Variants in RUSC2 observed in about 807,000 individuals in gnomAD.
RUSC2 encodes the protein AP-4 complex accessory subunit RUSC2.
A neutral mutation model predicts 122.2 loss-of-function variants in RUSC2; 34 were observed. That is an observed-to-expected ratio of 0.28 (90% CI 0.21 to 0.37). The LOEUF (loss-of-function observed/expected upper bound fraction) is 0.37, where lower values mean the gene tolerates loss of function less well. RUSC2 is among the 10% of genes least tolerant of loss of function. The probability of loss-of-function intolerance (pLI) is 1.00; values close to 1 mark genes in which losing one functional copy is unlikely to be tolerated. For synonymous variants in RUSC2, 784 were observed against 790.0 expected (o/e 0.99, Z 0.13); for missense variants, 1,747 against 1,952.4 (o/e 0.89, Z 1.98).
chr9:35,538,714 A>G (rs1230515159), intron 1 of RUSC2: 1 of 152,362 alleles, frequency 6.6e-6, no homozygotes, highest in African/African-American at 2.4e-5. Flanking sequence ...AGAGTGCTCC[A>G]TCTTCCAGCA....
chr9:35,555,908 C>G lies in RUSC2; in HGVS notation c.2657-44C>G. ...TGGATGTGAAACTCTGTCTCGCTGT[C>G]TCCTGCCAACTCTTGTCTTTCTGCT... On this transcript the variant is annotated intron_variant, in intron 3 of 11. Coordinates refer to ENST00000361226, the MANE Select transcript of RUSC2 (RefSeq NM_014806.5). This position sits in a 1 kb window ranked among gnomAD's most constrained non-coding sequence, Gnocchi z 4.6. The G allele has an allele frequency of 1.9e-6, 3 of 1,595,346 alleles. No homozygotes were observed. Among genetic ancestry groups the G allele is most frequent in the Non-Finnish European group, 1.7e-6 (2 of 1,167,806 alleles).
Position 35,537,590 on chromosome 9 carries a change from C to G in RUSC2, c.-92-8840C>G, listed in dbSNP as rs531876169. On this transcript the variant is annotated intron_variant, in intron 1 of 11. Coordinates refer to ENST00000361226, the MANE Select transcript of RUSC2 (RefSeq NM_014806.5). ...TTTGTTCTTCTCTCTACAATTGACTCAGCTCAGCATGGTGTCAGTGGACAC... is the reference window on the plus strand; with the variant it reads ...TTTGTTCTTCTCTCTACAATTGACTGAGCTCAGCATGGTGTCAGTGGACAC... Among the ~76,000 whole-genome samples the G allele has an allele frequency of 3.9e-5, 6 of 152,306 alleles. No homozygotes were observed. In the East Asian group the frequency reaches 7.7e-4, roughly 20 times the overall value.
intron 1 of RUSC2, among the ~76,000 whole-genome samples, chr9:35,524,761 G>A (rs1000535618): frequency 6.6e-6 from 1 of 152,094 alleles, no homozygotes; most frequent in Non-Finnish European, 1.5e-5. Flanking sequence ...CACAAGGTCA[G>A]GAGATCGAGA....
At chr9:35,515,404 T>G (rs1821084321) in intron 1 of RUSC2, among the ~76,000 whole-genome samples, 1 of 152,132 alleles carries the variant, frequency 6.6e-6, no homozygotes, top group Non-Finnish European at 1.5e-5. Flanking sequence ...AACAGATTGC[T>G]GCTATTTTTT....
chr9:35,543,000 T>C (rs1407013861), intron 1 of RUSC2, among the ~76,000 whole-genome samples: 1 of 152,212 alleles, frequency 6.6e-6, no homozygotes, highest in Non-Finnish European at 1.5e-5. Flanking sequence ...CTGCAACCCA[T>C]AGGTACCCCT....
chr9:35,541,331 C>T (rs950114670), intron 1 of RUSC2, among the ~76,000 whole-genome samples: 1 of 151,966 alleles, frequency 6.6e-6, no homozygotes, highest in Non-Finnish European at 1.5e-5. Context: ...GTTTTCTCTT[C>T]ACCTTCATTA....
chr9:35,496,461 T>C (rs189489492), intron 1 of RUSC2, among the ~76,000 whole-genome samples: 1 of 152,184 alleles, frequency 6.6e-6, no homozygotes, highest in South Asian at 2.1e-4. Context: ...CAGTCACTTA[T>C]CCCGCTCTAT....
chr9:35,555,360 C>CTCGGCCA lies in RUSC2; in HGVS notation c.2319_2325dup (p.Pro776AlafsTer21), dbSNP rs1217210312. 1 of 1,614,260 alleles carries CTCGGCCA rather than the reference C, an allele frequency of 6.2e-7. No homozygotes were observed. ...AAAGCTGGGTCTGAGCCAGAGACCT[C>CTCGGCCA]TCGGCCATCGCCCCTGGGCAGCTAC... On this transcript the variant is annotated frameshift_variant, in exon 3 of 12. Coordinates refer to ENST00000361226, the MANE Select transcript of RUSC2 (RefSeq NM_014806.5). LOFTEE classifies it high-confidence loss of function. This position sits in a 1 kb window ranked among gnomAD's most constrained non-coding sequence, Gnocchi z 4.6.
intron 1 of RUSC2, among the ~76,000 whole-genome samples, chr9:35,505,584 G>A (rs1231344398): frequency 1.3e-5 from 2 of 151,510 alleles, no homozygotes; most frequent in African/African-American, 4.9e-5. Context: ...TTGAATCCAG[G>A]GTCTCTCAGA....
rs201341074 is a variant in RUSC2, at chr9:35,558,325, G to C, written c.3189G>C (p.Gln1063His). 1 of 1,614,196 alleles carries C rather than the reference G, an allele frequency of 6.2e-7. No individual in the cohort carries two copies. The highest frequency in any genetic ancestry group is 1.1e-5 in the South Asian group (1 of 91,088). ...TTGTACTGGACGTCATCATCGGGCA[G>C]CGTAAGAACATGCCATGGAGTGTGG... ...KAFVLDVIIG[Q>H]RKNMPWSVVE... The change falls in exon 7 of 12, where the codon CAG becomes CAC. Residue 1063 changes from glutamine (Q) to histidine (H), a missense_variant. By Grantham distance (24) the Gln-to-His change is conservative. Coordinates refer to ENST00000361226, the MANE Select transcript of RUSC2 (RefSeq NM_014806.5). The surrounding 1 kb of genome is among the most constrained non-coding windows in gnomAD (Gnocchi z 4.3).
At chr9:35,524,865 G>A (rs1011587044) in intron 1 of RUSC2, among the ~76,000 whole-genome samples, 3 of 152,040 alleles carry the variant, frequency 2.0e-5, no homozygotes, top group African/African-American at 7.2e-5. Flanking sequence ...CAGCTACTCG[G>A]GAGGCTGAGG....
At chr9:35,495,134 TATTATAC>T (rs1485324883) in intron 1 of RUSC2, among the ~76,000 whole-genome samples, 1 of 14,256 alleles carries the variant, frequency 7.0e-5, no homozygotes, top group African/African-American at 3.0e-4. Flanking sequence ...CTATAGTATA[TATTATAC>T]ATTATATATA....
intron 2 of RUSC2, among the ~76,000 whole-genome samples, chr9:35,551,898 GA>G (rs1172294243): frequency 1.3e-5 from 2 of 150,448 alleles, no homozygotes; most frequent in Non-Finnish European, 3.0e-5. Flanking sequence ...TGTGTCTACA[GA>G]AAAAAAAATT....
chr9:35,521,439 A>G lies in RUSC2; in HGVS notation c.-92-24991A>G, dbSNP rs182835009. Among the ~76,000 whole-genome samples the G allele has an allele frequency of 7.6e-4, 115 of 152,200 alleles. 1 individual carries two copies. The highest frequency in any genetic ancestry group is 7.4e-3 in the Admixed American group (113 of 15,286). On this transcript the variant is annotated intron_variant, in intron 1 of 11. Coordinates refer to ENST00000361226, the MANE Select transcript of RUSC2 (RefSeq NM_014806.5). Reference sequence around the variant, plus strand: ...GATTTTAATGGAATAAAGAAAAGCAACTCTTTCAGCTCAGTGAGGTTCAAT... The same window carrying G: ...GATTTTAATGGAATAAAGAAAAGCAGCTCTTTCAGCTCAGTGAGGTTCAAT...
chr9:35,501,002 C>T (rs1820809481), intron 1 of RUSC2, among the ~76,000 whole-genome samples: 1 of 152,132 alleles, frequency 6.6e-6, no homozygotes, highest in Non-Finnish European at 1.5e-5. Flanking sequence ...TAACAAGGAG[C>T]ATTTATCTTA....
At position 35,547,809 on chromosome 9, in the gene RUSC2, C is replaced by T; in HGVS notation, c.1288C>T (p.Pro430Ser). The change falls in exon 2 of 12, where the codon CCA (proline) becomes TCA (serine). Residue 430 changes from proline to serine, a missense_variant. Coordinates refer to ENST00000361226, the MANE Select transcript of RUSC2 (RefSeq NM_014806.5). The surrounding 1 kb of genome is among the most constrained non-coding windows in gnomAD (Gnocchi z 4.6). ...CSEEHTKISP[P>S]PGPGPDPGPS... ...TGAGGAACACACCAAGATAAGTCCC[C>T]CACCAGGCCCTGGCCCAGACCCAGG... is the stretch of plus-strand genomic sequence containing the variant. 5 of 1,614,154 alleles carry T rather than the reference C, an allele frequency of 3.1e-6. No homozygotes were observed. The highest frequency in any genetic ancestry group is 3.4e-6 in the Non-Finnish European group (4 of 1,180,042).
At chr9:35,551,179 A>C (rs948178999) in intron 2 of RUSC2, among the ~76,000 whole-genome samples, 1 of 152,190 alleles carries the variant, frequency 6.6e-6, no homozygotes, top group Non-Finnish European at 1.5e-5. Flanking sequence ...TAAGATAATG[A>C]AGAATCCTGA....
intron 2 of RUSC2, among the ~76,000 whole-genome samples, chr9:35,549,758 A>G (rs566392161): frequency 1.2e-4 from 18 of 152,396 alleles, no homozygotes; most frequent in Middle Eastern, 3.4e-3. Flanking sequence ...TGGTGAAGCC[A>G]TAGTGGAACA....
intron 1 of RUSC2, among the ~76,000 whole-genome samples, chr9:35,535,122 T>A (rs1461028095): frequency 6.6e-6 from 1 of 152,152 alleles, no homozygotes. Flanking sequence ...TGCCTAAGCT[T>A]CTTTTTTTTA....
Sources: gnomAD v4.1 joint callset for allele counts (sites outside exome capture counted in the v4.1 genomes callset) on GRCh38, gnomAD v4.1.1 for gene constraint, Gnocchi (gnomAD v3.1) non-coding constraint, MANE v1.5 for transcripts, NCBI Gene and HGNC (gene_info 2026-07-23, HGNC 2026-07-21) for gene names.